The following COG5 variants were observed in gnomAD, a reference collection of about 807,000 sequenced individuals.
COG5 encodes the protein conserved oligomeric Golgi complex subunit 5.
In COG5, 86 loss-of-function variants were observed where a neutral mutation model predicts 110.4. That is an observed-to-expected ratio of 0.78 (90% CI 0.65 to 0.93). COG5 has a LOEUF of 0.93. Ranked by LOEUF, COG5 falls within the 40% of genes least tolerant of loss-of-function variation. The pLI is 0.00. For missense variants in COG5, 1,077 were observed against 987.0 expected (o/e 1.09, Z -1.22); for synonymous variants, 360 against 334.6 (o/e 1.08, Z -0.83).
rs2116202376 is a variant in COG5 at position 107,211,159 on chromosome 7, G to GA, written c.2234dup (p.Ser746GlnfsTer14). ...TGAACAAAAACTGAATAATGATGCT[G>GA]AACGGAATCACATCCCCCAATGCAG... On this transcript the variant is annotated frameshift_variant, in exon 20 of 22. Coordinates refer to ENST00000297135, the MANE Select transcript of COG5 (RefSeq NM_006348.5). LOFTEE classifies it high-confidence loss of function. The GA allele has an allele frequency of 1.2e-6, 2 of 1,613,996 alleles. No individual in the cohort carries two copies. Among genetic ancestry groups the GA allele is most frequent in the East Asian group, 2.2e-5 (1 of 44,892 alleles).
intron 6 of COG5, among the ~76,000 whole-genome samples, chr7:107,509,868 C>T (rs1369734653): frequency 6.6e-6 from 1 of 152,044 alleles, no homozygotes; most frequent in African/African-American, 2.4e-5. Context: ...TTGTCACCAC[C>T]AGGCCTGCCC....
chr7:107,401,340 T>C (rs1791408702), intron 7 of COG5, among the ~76,000 whole-genome samples: 1 of 152,156 alleles, frequency 6.6e-6, no homozygotes, highest in Admixed American at 6.5e-5. Flanking sequence ...ACGGTACATA[T>C]TATGTAACTA....
intron 7 of COG5, among the ~76,000 whole-genome samples, chr7:107,407,036 C>G (rs541586598): frequency 2.0e-5 from 3 of 152,148 alleles, no homozygotes; most frequent in Non-Finnish European, 4.4e-5. Context: ...TTAAGTATTT[C>G]TTTGAGAAGT....
intron 6 of COG5, among the ~76,000 whole-genome samples, chr7:107,439,625 C>A (rs1794586359): frequency 6.6e-6 from 1 of 151,744 alleles, no homozygotes; most frequent in African/African-American, 2.4e-5. Context: ...TTTAACATAA[C>A]CATATTAACT....
At chr7:107,351,067 T>C (rs553594329) in intron 10 of COG5, among the ~76,000 whole-genome samples, 11 of 152,210 alleles carry the variant, frequency 7.2e-5, no homozygotes, top group Non-Finnish European at 1.5e-4. Context: ...TAAGAACATC[T>C]GGTCCCTATA....
chr7:107,410,317 T>G (rs1283200124), intron 7 of COG5, among the ~76,000 whole-genome samples: 1 of 152,180 alleles, frequency 6.6e-6, no homozygotes, highest in Non-Finnish European at 1.5e-5. Context: ...AGACACATCT[T>G]TGATCAATTT....
In COG5 at chr7:107,294,923, G is replaced by GTA. The variant is rs1554408053; in HGVS notation, c.1313+3217_1313+3218dup. Among the ~76,000 whole-genome samples the GTA allele has an allele frequency of 1.8e-3, 144 of 82,000 alleles. 2 individuals are homozygous for GTA. Among genetic ancestry groups the GTA allele is most frequent in the African/African-American group, 5.7e-3 (120 of 21,056 alleles). 53.8% of individuals were successfully genotyped at this position (82,000 alleles called of 152,430 possible). ...TGTGTGTGTGTGTGTGTGTGTGTGTGTATATATACACACACACACACACAC... is the reference window on the plus strand; with the variant it reads ...TGTGTGTGTGTGTGTGTGTGTGTGTGTATATATATACACACACACACACACAC... On this transcript the variant is annotated intron_variant, in intron 12 of 21. Transcript: ENST00000297135.
chr7:107,456,084 C>A (rs1400818920), intron 6 of COG5, among the ~76,000 whole-genome samples: 1 of 152,096 alleles, frequency 6.6e-6, no homozygotes, highest in Non-Finnish European at 1.5e-5. Context: ...CAGGCATGAG[C>A]CACTGTGCCT....
chr7:107,455,429 A>C (rs1292739203), intron 6 of COG5, among the ~76,000 whole-genome samples: 1 of 152,250 alleles, frequency 6.6e-6, no homozygotes, highest in Non-Finnish European at 1.5e-5. Flanking sequence ...TAAAGTAAAA[A>C]GTAAGGTCTC....
chr7:107,388,874 C>T (rs1244266092), intron 7 of COG5, among the ~76,000 whole-genome samples: 1 of 152,124 alleles, frequency 6.6e-6, no homozygotes, highest in Non-Finnish European at 1.5e-5. Context: ...CTACAGGACC[C>T]GCAGCCCTGA....
chr7:107,451,497 G>A (rs1795338357), intron 6 of COG5, among the ~76,000 whole-genome samples: 1 of 151,996 alleles, frequency 6.6e-6, no homozygotes, highest in Non-Finnish European at 1.5e-5. Flanking sequence ...TTAGAGAAAT[G>A]AAAAAGCAAA....
At chr7:107,343,904 G>C (rs1489683820) in intron 10 of COG5, among the ~76,000 whole-genome samples, 1 of 151,114 alleles carries the variant, frequency 6.6e-6, no homozygotes, top group African/African-American at 2.4e-5. Flanking sequence ...CTTAACAGTA[G>C]GCTTAAAATG....
intron 17 of COG5, among the ~76,000 whole-genome samples, chr7:107,243,329 C>T (rs1026629785): frequency 4.0e-5 from 6 of 151,854 alleles, no homozygotes; most frequent in South Asian, 2.1e-4. Flanking sequence ...CTGGCTAACA[C>T]GGTGAAACCC....
At chr7:107,221,642 G>C (rs1047887780) in intron 19 of COG5, among the ~76,000 whole-genome samples, 2 of 151,808 alleles carry the variant, frequency 1.3e-5, no homozygotes, top group Admixed American at 6.6e-5. Context: ...GCGTGTGCCT[G>C]TAGTCCCAGC....
chr7:107,258,672 T>C, intron 14 of COG5: 2 of 411,766 alleles, frequency 4.9e-6, no homozygotes, highest in Non-Finnish European at 8.8e-6. Flanking sequence ...TGATGGACTC[T>C]TGAGGCAGGT....
At chr7:107,295,089 ATATATATATATATTTTTT>A (rs1806611468) in intron 12 of COG5, among the ~76,000 whole-genome samples, 1 of 72,928 alleles carries the variant, frequency 1.4e-5, no homozygotes, top group South Asian at 5.5e-4. Flanking sequence ...ATATATATAT[ATATATATATATATTTTTT>A]TTTTTTTTTT....
At chr7:107,263,604 G>A (rs1349216316) in intron 14 of COG5, among the ~76,000 whole-genome samples, 1 of 152,092 alleles carries the variant, frequency 6.6e-6, no homozygotes, top group African/African-American at 2.4e-5. Context: ...CAAGGAATGA[G>A]AGGGAATCCA....
intron 6 of COG5, among the ~76,000 whole-genome samples, chr7:107,487,018 A>C (rs948465707): frequency 2.6e-5 from 4 of 152,214 alleles, no homozygotes; most frequent in African/African-American, 9.6e-5. Flanking sequence ...AAGAATATGG[A>C]GGTGAATATT....
At chr7:107,535,671 T>G (rs770195126) in intron 5 of COG5, among the ~76,000 whole-genome samples, 8 of 152,042 alleles carry the variant, frequency 5.3e-5, no homozygotes, top group Non-Finnish European at 1.2e-4. Flanking sequence ...ACTAATAGCC[T>G]ACTAACCAAA....
Sources: allele counts gnomAD v4.1 joint callset (sites outside exome capture counted in the v4.1 genomes callset), GRCh38; gene constraint gnomAD v4.1.1; transcripts MANE v1.5; gene names NCBI Gene and HGNC (gene_info 2026-07-23, HGNC 2026-07-21).